The following SFSWAP variants were observed in gnomAD, a reference collection of about 807,000 sequenced individuals.
SFSWAP encodes the protein splicing factor, suppressor of white-apricot homolog.
Under a neutral mutation model 100.7 loss-of-function variants are expected in SFSWAP, and 17 were observed. That is an observed-to-expected ratio of 0.17 (90% CI 0.12 to 0.25). SFSWAP has a LOEUF of 0.25. Ranked by LOEUF, SFSWAP falls within the 10% of genes least tolerant of loss-of-function variation. SFSWAP has a pLI of 1.00. For missense variants in SFSWAP, 1,005 were observed against 1,262.6 expected (o/e 0.80, Z 3.09); for synonymous variants, 504 against 510.1 (o/e 0.99, Z 0.16).
At chr12:131,776,556 G>A (rs61942915) in intron 13 of SFSWAP, among the ~76,000 whole-genome samples, 10,319 of 152,260 alleles carry the variant, frequency 0.068, 386 homozygotes, top group Middle Eastern at 0.12. Flanking sequence ...GTGTTTTCCC[G>A]CAGCCAGTTG....
chr12:131,711,605 G>T lies in SFSWAP; in HGVS notation c.218+158G>T. 2 of 636,620 alleles carry T rather than the reference G, an allele frequency of 3.1e-6. No individual in the cohort carries two copies. The highest frequency in any genetic ancestry group is 1.8e-5 in the African/African-American group (1 of 54,760). 39.4% of individuals were successfully genotyped at this position (636,620 alleles called of 1,614,324 possible). A position where few individuals can be genotyped will look rare whatever the true frequency, so the allele number is the denominator to read the frequency against. Reference sequence around the variant, plus strand: ...GTCCCCACCTCCTCCTGGTGTTCTGGTGGGGAGGGGGACGGTGAAACCTGC... The same window carrying T: ...GTCCCCACCTCCTCCTGGTGTTCTGTTGGGGAGGGGGACGGTGAAACCTGC... On this transcript the variant is annotated intron_variant, in intron 1 of 17. Coordinates refer to ENST00000261674, the MANE Select transcript of SFSWAP (RefSeq NM_004592.4). The surrounding 1 kb of genome is among the most constrained non-coding windows in gnomAD (Gnocchi z 4.9).
At chr12:131,749,323 T>G (rs974662576) in intron 7 of SFSWAP, among the ~76,000 whole-genome samples, 1 of 152,218 alleles carries the variant, frequency 6.6e-6, no homozygotes, top group African/African-American at 2.4e-5. Flanking sequence ...CAGGAGCCCC[T>G]TGGCACACTG....
chr12:131,762,865 C>T (rs1882791849), intron 11 of SFSWAP, among the ~76,000 whole-genome samples: 1 of 152,186 alleles, frequency 6.6e-6, no homozygotes, highest in Non-Finnish European at 1.5e-5. Flanking sequence ...TCCCAAAGTG[C>T]TGGGATTACA....
intron 7 of SFSWAP, among the ~76,000 whole-genome samples, chr12:131,741,129 G>A (rs183074809): frequency 3.4e-4 from 51 of 151,592 alleles, no homozygotes; most frequent in African/African-American, 1.1e-3. Flanking sequence ...CCGACACCAC[G>A]CTTGGCTAAT....
chr12:131,783,000 G>A (rs1255562480), intron 14 of SFSWAP, among the ~76,000 whole-genome samples: 1 of 152,050 alleles, frequency 6.6e-6, no homozygotes, highest in African/African-American at 2.4e-5. Context: ...GGCCAACATG[G>A]TAAAACCCCA....
At chr12:131,715,799 AT>A in intron 3 of SFSWAP, among the ~76,000 whole-genome samples, 1 of 152,386 alleles carries the variant, frequency 6.6e-6, no homozygotes, top group Non-Finnish European at 1.5e-5. Flanking sequence ...TTAATCTGTT[AT>A]TCTGAACTTC....
chr12:131,727,824 C>T (rs1443693810), intron 6 of SFSWAP, among the ~76,000 whole-genome samples: 1 of 152,182 alleles, frequency 6.6e-6, no homozygotes, highest in African/African-American at 2.4e-5. Context: ...GGTTAATTCA[C>T]ACCACTCTGC....
In SFSWAP at chr12:131,786,471, C is replaced by G. The variant is rs1255604240; in HGVS notation, c.2417C>G (p.Ser806Cys). 6.3e-7 allele frequency: 1 copy of G among 1,587,608 alleles called. No homozygotes were observed. Among genetic ancestry groups the G allele is most frequent in the South Asian group, 1.1e-5 (1 of 87,154 alleles). The change falls in exon 15 of 18, where the codon TCC becomes TGC. Residue 806 changes from serine to cysteine, a missense_variant. Ser to Cys is a moderately radical substitution (Grantham distance 112). Coordinates refer to ENST00000261674, the MANE Select transcript of SFSWAP (RefSeq NM_004592.4). ...YRTVRRSRSR[S>C]RSPRRRAHSP... ...CCTCCTCCCCTGTCCAGGTCCCGCT[C>G]CCGGTCCCCTCGGAGGAGAGCCCAC... is the stretch of plus-strand genomic sequence containing the variant.
Position 131,725,347 on chromosome 12 carries a change from A to G in SFSWAP, c.607-58A>G. Reference sequence around the variant, plus strand: ...GTCATTTCTATGTTTTAATGAAATCACGTGGCCGGTGGACAAGAGGACAAA... The same window carrying G: ...GTCATTTCTATGTTTTAATGAAATCGCGTGGCCGGTGGACAAGAGGACAAA... On this transcript the variant is annotated intron_variant, in intron 4 of 17. Coordinates refer to ENST00000261674, the MANE Select transcript of SFSWAP (RefSeq NM_004592.4). The surrounding 1 kb of genome is among the most constrained non-coding windows in gnomAD (Gnocchi z 4.3). 1 of 1,364,336 alleles carries G rather than the reference A, an allele frequency of 7.3e-7. No individual in the cohort carries two copies. Among genetic ancestry groups the G allele is most frequent in the Non-Finnish European group, 1.0e-6 (1 of 953,278 alleles). The allele number at this position is 1,364,336 out of a possible 1,614,324, so 84.5% of individuals were successfully genotyped here.
At chr12:131,766,050 T>A (rs1012163864) in intron 12 of SFSWAP, 68 bp from the exon 13 acceptor site, 1 of 1,491,842 alleles carries the variant, frequency 6.7e-7, no homozygotes, top group African/African-American at 1.4e-5. Flanking sequence ...TTGCAACCTG[T>A]GAAAATTAAG....
chr12:131,723,837 G>A (rs762819190), intron 4 of SFSWAP, among the ~76,000 whole-genome samples: 5 of 152,128 alleles, frequency 3.3e-5, no homozygotes, highest in Non-Finnish European at 5.9e-5. Flanking sequence ...CCCCCTTCCG[G>A]GGCTCTGTCG....
chr12:131,785,459 C>T (rs1450586480), intron 14 of SFSWAP: 5 of 445,810 alleles, frequency 1.1e-5, no homozygotes, highest in Non-Finnish European at 2.0e-5. Flanking sequence ...TCAAACCGCT[C>T]TTCTTTATAT....
intron 7 of SFSWAP, among the ~76,000 whole-genome samples, chr12:131,750,180 C>T (rs776138657): frequency 6.6e-6 from 1 of 152,206 alleles, no homozygotes; most frequent in Non-Finnish European, 1.5e-5. Flanking sequence ...ATCTTCACAT[C>T]CCTGACACCC....
At chr12:131,718,411 T>G (rs1363088538) in intron 3 of SFSWAP, among the ~76,000 whole-genome samples, 1 of 152,250 alleles carries the variant, frequency 6.6e-6, no homozygotes, top group Non-Finnish European at 1.5e-5. Context: ...TGCTATGATA[T>G]TTTTGTACAT....
intron 13 of SFSWAP, among the ~76,000 whole-genome samples, chr12:131,777,612 A>ATGT (rs1884132234): frequency 6.6e-6 from 1 of 152,226 alleles, no homozygotes; most frequent in African/African-American, 2.4e-5. Flanking sequence ...ATACGTGTGC[A>ATGT]TGTGTCTTTA....
chr12:131,775,788 T>C (rs1298560007), intron 13 of SFSWAP, among the ~76,000 whole-genome samples: 1 of 152,152 alleles, frequency 6.6e-6, no homozygotes, highest in Non-Finnish European at 1.5e-5. Context: ...GTTAGAATTA[T>C]GTAAGCAATA....
chr12:131,795,452 C>T (rs751189845), intron 15 of SFSWAP, among the ~76,000 whole-genome samples: 4 of 152,184 alleles, frequency 2.6e-5, no homozygotes, highest in African/African-American at 4.8e-5. Context: ...CCCTGGCTAC[C>T]GCAGCTCTGT....
At position 131,730,563 on chromosome 12, in the gene SFSWAP, C is replaced by T. The variant is rs907199293; in HGVS notation, c.1081+2135C>T. ...GGTGGGAATGTGATCTGAACTGAGG[C>T]ATGCAGGGGTGGCATTGTGAGCTGT... On this transcript the variant is annotated intron_variant, in intron 7 of 17. Coordinates refer to ENST00000261674, the MANE Select transcript of SFSWAP (RefSeq NM_004592.4). This position sits in a 1 kb window ranked among gnomAD's most constrained non-coding sequence, Gnocchi z 4.0. Among the ~76,000 whole-genome samples the T allele has an allele frequency of 1.3e-5, 2 of 152,176 alleles. No homozygotes were observed. The highest frequency in any genetic ancestry group is 2.9e-5 in the Non-Finnish European group (2 of 68,028).
At chr12:131,752,976 T>A (rs1593149138) in intron 7 of SFSWAP, 147 bp from the exon 8 acceptor site, 9 of 1,227,684 alleles carry the variant, frequency 7.3e-6, no homozygotes, top group Non-Finnish European at 1.0e-5. Context: ...ACTTTTTGTA[T>A]CAGAAAAATC....
Sources: allele counts gnomAD v4.1 joint callset (sites outside exome capture counted in the v4.1 genomes callset), GRCh38; gene constraint gnomAD v4.1.1; non-coding constraint Gnocchi (gnomAD v3.1); transcripts MANE v1.5; gene names NCBI Gene and HGNC (gene_info 2026-07-23, HGNC 2026-07-21).